LVRN: variants seen among roughly 807,000 people sequenced by gnomAD.
LVRN encodes the protein laeverin, also known as aminopeptidase Q.
Under a neutral mutation model 111.4 loss-of-function variants are expected in LVRN, and 99 were observed. The ratio of observed to expected loss-of-function variants is 0.89; its 90% CI spans 0.76 to 1.05. The LOEUF (loss-of-function observed/expected upper bound fraction) is 1.05. Ranked by LOEUF, LVRN falls within the 50% of genes least tolerant of loss-of-function variation. LVRN has a pLI of 0.00. For synonymous variants in LVRN, 488 were observed against 449.5 expected, an observed-to-expected ratio of 1.09 and a Z score of -1.08; for missense variants, 1,414 against 1,206.8, an observed-to-expected ratio of 1.17 and a Z score of -2.54.
At chr5:116,013,155 C>G (rs1748526399) in intron 15 of LVRN, among the ~76,000 whole-genome samples, 1 of 152,110 alleles carries the variant, frequency 6.6e-6, no homozygotes, top group African/African-American at 2.4e-5. Context: ...TGGTAAACAT[C>G]AGGTTCAAAT....
rs544227313 is a variant in LVRN at position 116,026,337 on chromosome 5, T to C, written c.*219T>C. On this transcript the variant is annotated 3_prime_UTR_variant, in exon 20 of 20. Coordinates refer to ENST00000357872, the MANE Select transcript of LVRN (RefSeq NM_173800.5). ...AATGCTGCTGTATTTCTGGGAAAGA[T>C]GTCACTTCATGTTGGGTTATAATCC... The C allele has an allele frequency of 2.5e-5, 14 of 564,790 alleles. No homozygotes were observed. In the South Asian group the frequency reaches 2.7e-4, roughly 11 times the overall value. 35.0% of individuals were successfully genotyped at this position (564,790 alleles called of 1,614,324 possible).
chr5:116,014,670 T>C (rs376762598), intron 16 of LVRN, 143 bp downstream of exon 16: 28 of 680,512 alleles, frequency 4.1e-5, no homozygotes, highest in South Asian at 3.2e-4. Flanking sequence ...CAAATACCTT[T>C]TTTAAAAAAC....
chr5:115,981,026 G>A (rs1293653921), intron 1 of LVRN, among the ~76,000 whole-genome samples: 3 of 152,142 alleles, frequency 2.0e-5, no homozygotes, highest in African/African-American at 4.8e-5. Context: ...CTTTCCCAAA[G>A]TTACACAACA....
chr5:115,976,746 A>AT, intron 1 of LVRN, among the ~76,000 whole-genome samples: 1 of 152,152 alleles, frequency 6.6e-6, no homozygotes, highest in Non-Finnish European at 1.5e-5. Flanking sequence ...GCATCTTCTC[A>AT]TTTTTTATTG....
At chr5:115,985,137 A>T (rs190021211) in intron 3 of LVRN, among the ~76,000 whole-genome samples, 79 of 152,302 alleles carry the variant, frequency 5.2e-4, no homozygotes, top group African/African-American at 1.8e-3. Flanking sequence ...GGCATCAACG[A>T]GTCAAAACGG....
intron 1 of LVRN, among the ~76,000 whole-genome samples, chr5:115,963,831 TC>T (rs1458336933): frequency 6.6e-6 from 1 of 152,206 alleles, no homozygotes; most frequent in African/African-American, 2.4e-5. Flanking sequence ...TATCTGCTCA[TC>T]CCGTTTGTTT....
intron 1 of LVRN, among the ~76,000 whole-genome samples, chr5:115,979,477 CT>C (rs1753517995): frequency 1.3e-5 from 2 of 152,210 alleles, no homozygotes; most frequent in South Asian, 4.2e-4. Flanking sequence ...TCTCCAATCT[CT>C]TTTGTCTCCA....
rs113920831 is a variant in LVRN, at chr5:116,025,879, C to G, written c.2833-99C>G. 2.1e-3 allele frequency: 3,111 copies of G among 1,484,894 alleles called. 43 individuals carry two copies. In the African/African-American group the frequency reaches 0.038, roughly 18 times the overall value. 92.0% of individuals were successfully genotyped at this position (1,484,894 alleles called of 1,614,324 possible). A position where few individuals can be genotyped will look rare whatever the true frequency, so the allele number is the denominator to read the frequency against. ...TTTCTACTCATTCCAACCATCATCA[C>G]CAATTTACAAACTCATGTTGCTACT... On this transcript the variant is annotated intron_variant, in intron 19 of 19. Coordinates refer to ENST00000357872, the MANE Select transcript of LVRN (RefSeq NM_173800.5).
intron 10 of LVRN, among the ~76,000 whole-genome samples, chr5:116,001,469 G>A (rs114773365): frequency 0.029 from 4,344 of 152,282 alleles, 80 homozygotes; most frequent in Non-Finnish European, 0.045. Flanking sequence ...TTACATCAGC[G>A]ACCCAAGCTG....
intron 1 of LVRN, among the ~76,000 whole-genome samples, chr5:115,968,789 T>C (rs1205023750): frequency 6.6e-6 from 1 of 152,250 alleles, no homozygotes; most frequent in African/African-American, 2.4e-5. Context: ...TTTCAGTAAG[T>C]ATTCCCAGGA....
rs1241476626 is a variant in LVRN at position 116,001,255 on chromosome 5, C to A, written c.1820+16C>A. 1 of 1,611,256 alleles carries A rather than the reference C, an allele frequency of 6.2e-7. No homozygotes were observed. Among genetic ancestry groups the A allele is most frequent in the Admixed American group, 1.7e-5 (1 of 59,090 alleles). On this transcript the variant is annotated intron_variant, in intron 10 of 19. Transcript: ENST00000357872. ...TAACCAGCAAGTAGGTAGCTTTGCT[C>A]CTCTTTGTCTTCACCTTCCTTGGGG...
chr5:116,019,260 T>C (rs903305667), intron 18 of LVRN, among the ~76,000 whole-genome samples: 1 of 152,234 alleles, frequency 6.6e-6, no homozygotes, highest in Non-Finnish European at 1.5e-5. Flanking sequence ...TGTGCTACAA[T>C]GTTACAATGA....
chr5:116,016,876 A>C (rs1464641673), intron 18 of LVRN, among the ~76,000 whole-genome samples: 1 of 152,060 alleles, frequency 6.6e-6, no homozygotes, highest in Non-Finnish European at 1.5e-5. Flanking sequence ...AAAAAAACCC[A>C]TTAGTTAACA....
chr5:116,024,139 C>T (rs751338187), intron 19 of LVRN, among the ~76,000 whole-genome samples: 2 of 152,086 alleles, frequency 1.3e-5, no homozygotes, highest in Non-Finnish European at 2.9e-5. Flanking sequence ...AAGAAATGTA[C>T]TTGATCGTGT....
chr5:115,979,127 A>G (rs1580379741), intron 1 of LVRN, among the ~76,000 whole-genome samples: 1 of 152,052 alleles, frequency 6.6e-6, no homozygotes, highest in Non-Finnish European at 1.5e-5. Flanking sequence ...CTCACTTTGT[A>G]TGGTAGGGGA....
chr5:115,982,964 G>T (rs1437738282), intron 1 of LVRN, among the ~76,000 whole-genome samples: 6 of 152,274 alleles, frequency 3.9e-5, no homozygotes, highest in Non-Finnish European at 5.9e-5. Context: ...TAAAGAGCTG[G>T]TTCTCAAAAG....
At chr5:115,980,725 T>C (rs1221348781) in intron 1 of LVRN, among the ~76,000 whole-genome samples, 1 of 152,198 alleles carries the variant, frequency 6.6e-6, no homozygotes, top group Non-Finnish European at 1.5e-5. Flanking sequence ...CTATAGTTTC[T>C]GTTACAAAGA....
At chr5:116,009,860 C>T (rs1035221593) in intron 13 of LVRN, among the ~76,000 whole-genome samples, 3 of 152,104 alleles carry the variant, frequency 2.0e-5, no homozygotes, top group African/African-American at 7.2e-5. Context: ...GAAATGACAA[C>T]AAAGGATTGA....
At chr5:115,992,380 T>G in intron 5 of LVRN, 103 bp downstream of exon 5, 1 of 1,323,020 alleles carries the variant, frequency 7.6e-7, no homozygotes, top group Non-Finnish European at 1.1e-6. Context: ...ATACCATATT[T>G]TAAAAAGAAA....
Sources: gnomAD v4.1 joint callset for allele counts (sites outside exome capture counted in the v4.1 genomes callset) on GRCh38, gnomAD v4.1.1 for gene constraint, MANE v1.5 for transcripts, NCBI Gene and HGNC (gene_info 2026-07-23, HGNC 2026-07-21) for gene names.